Variants in C3orf70 observed in about 807,000 individuals in gnomAD.
C3orf70 encodes the protein UPF0524 protein C3orf70.
In C3orf70, 15 loss-of-function variants were observed where a neutral mutation model predicts 20.7. The observed-to-expected ratio is 0.72, with a 90% confidence interval of 0.48 to 1.11. C3orf70 has a LOEUF of 1.11. Among genes scored for constraint, C3orf70 ranks in the 50% most tolerant of loss-of-function variants. The pLI, the probability that C3orf70 is intolerant of heterozygous loss-of-function variation, is 0.00. For missense variants in C3orf70, 332 were observed against 317.6 expected (o/e 1.05, Z -0.34); for synonymous variants, 161 against 125.7 (o/e 1.28, Z -1.88).
intron 1 of C3orf70, among the ~76,000 whole-genome samples, chr3:185,127,171 A>AAAAAGT (rs1216061795): frequency 6.6e-6 from 1 of 152,172 alleles, no homozygotes; most frequent in African/African-American, 2.4e-5. Context: ...CCATAGGATG[A>AAAAAGT]AAAAGTAAAA....
At chr3:185,140,800 A>C (rs1027624847) in intron 1 of C3orf70, among the ~76,000 whole-genome samples, 1 of 150,764 alleles carries the variant, frequency 6.6e-6, no homozygotes, top group Non-Finnish European at 1.5e-5. Context: ...AAAAAAAAAA[A>C]AAAAGAAAAA....
At position 185,083,066 on chromosome 3, in the gene C3orf70, G is replaced by C. The variant is rs1715380557; in HGVS notation, c.694C>G (p.Leu232Val). ...ESSWEPDECT[L>V]LSPSQSDLEV... ...AGGTCAGACTGCGAGGGGGAGAGAA[G>C]GGTGCACTCATCCGGTTCCCAGCTG... The change falls in exon 2 of 2, where the codon CTT becomes GTT. Residue 232 changes from leucine (L) to valine (V), a missense_variant. Leu to Val is a conservative substitution (Grantham distance 32). Transcript: ENST00000335012. The C allele has an allele frequency of 6.2e-7, 1 of 1,614,008 alleles. No individual in the cohort carries two copies. Among genetic ancestry groups the C allele is most frequent in the Non-Finnish European group, 8.5e-7 (1 of 1,180,030 alleles).
chr3:185,121,813 A>G (rs1458928779), intron 1 of C3orf70, among the ~76,000 whole-genome samples: 3 of 152,214 alleles, frequency 2.0e-5, no homozygotes, highest in Admixed American at 6.5e-5. Flanking sequence ...TAAAAGCAAG[A>G]GCATGGCCGG....
At chr3:185,085,548 G>A (rs182613447) in intron 1 of C3orf70, among the ~76,000 whole-genome samples, 3 of 152,104 alleles carry the variant, frequency 2.0e-5, no homozygotes, top group East Asian at 1.9e-4. Context: ...AAGCCTGGAC[G>A]TACCTCATGC....
At chr3:185,086,715 C>T (rs1015052766) in intron 1 of C3orf70, among the ~76,000 whole-genome samples, 14 of 152,070 alleles carry the variant, frequency 9.2e-5, no homozygotes, top group Admixed American at 2.6e-4. Flanking sequence ...AACCAGATTC[C>T]ACTTCTTTCT....
chr3:185,118,284 C>T (rs11915885), intron 1 of C3orf70, among the ~76,000 whole-genome samples: 7,907 of 152,246 alleles, frequency 0.052, 667 homozygotes, highest in African/African-American at 0.18. Context: ...CCTTTAAGCT[C>T]GGGCATCCTC....
rs150691113 is a variant in C3orf70, at chr3:185,116,967, G to C, written c.197-33404C>G. On this transcript the variant is annotated intron_variant, in intron 1 of 1. Coordinates refer to ENST00000335012, the MANE Select transcript of C3orf70 (RefSeq NM_001025266.3). ...CTAATTTTTTTTGTATTTTTAAGTA[G>C]AGATGGGGTTTCACCATGTTAGCCA... 7.1e-3 allele frequency among the ~76,000 whole-genome samples: 1,075 copies of C among 152,144 alleles called. 18 individuals carry two copies. The highest frequency in any genetic ancestry group is 0.025 in the African/African-American group (1,032 of 41,514).
chr3:185,124,106 G>C (rs1645847106), intron 1 of C3orf70, among the ~76,000 whole-genome samples: 2 of 152,064 alleles, frequency 1.3e-5, no homozygotes, highest in South Asian at 2.1e-4. Flanking sequence ...CATTGTATTA[G>C]GTATTATAAA....
At chr3:185,115,831 G>A (rs1217869863) in intron 1 of C3orf70, among the ~76,000 whole-genome samples, 1 of 152,148 alleles carries the variant, frequency 6.6e-6, no homozygotes, top group East Asian at 1.9e-4. Context: ...ACCTCACACG[G>A]CAAAAAGAGC....
chr3:185,090,173 C>A (rs1715536702), intron 1 of C3orf70, among the ~76,000 whole-genome samples: 1 of 152,176 alleles, frequency 6.6e-6, no homozygotes, highest in Non-Finnish European at 1.5e-5. Context: ...CCCTTAACTT[C>A]AGCTAACATT....
At chr3:185,141,385 C>T (rs1716747433) in intron 1 of C3orf70, among the ~76,000 whole-genome samples, 1 of 151,872 alleles carries the variant, frequency 6.6e-6, no homozygotes, top group South Asian at 2.1e-4. Flanking sequence ...ATGTAACTAC[C>T]ATACAGCCTA....
intron 1 of C3orf70, among the ~76,000 whole-genome samples, chr3:185,143,632 A>T (rs1240338621): frequency 6.6e-6 from 1 of 152,210 alleles, no homozygotes; most frequent in Non-Finnish European, 1.5e-5. Context: ...CAAAGGAAAA[A>T]TCCTGTGAAT....
At chr3:185,110,354 AC>A (rs1470152089) in intron 1 of C3orf70, among the ~76,000 whole-genome samples, 4 of 152,260 alleles carry the variant, frequency 2.6e-5, no homozygotes, top group Non-Finnish European at 1.5e-5. Flanking sequence ...GCAGCTAGTA[AC>A]CTGTTAAAAT....
At chr3:185,118,547 C>T (rs1229671418) in intron 1 of C3orf70, among the ~76,000 whole-genome samples, 1 of 152,094 alleles carries the variant, frequency 6.6e-6, no homozygotes, top group Non-Finnish European at 1.5e-5. Context: ...TGAATATACA[C>T]ATATTGCACT....
chr3:185,091,861 ATAT>A (rs1715576845), intron 1 of C3orf70, among the ~76,000 whole-genome samples: 1 of 121,844 alleles, frequency 8.2e-6, no homozygotes, highest in Non-Finnish European at 1.7e-5. Context: ...TATATGTATT[ATAT>A]TATATATATA....
At chr3:185,118,111 A>ATGTGTCTAGTTCTAG (rs1716220056) in intron 1 of C3orf70, among the ~76,000 whole-genome samples, 1 of 152,186 alleles carries the variant, frequency 6.6e-6, no homozygotes, top group Non-Finnish European at 1.5e-5. Flanking sequence ...TCTATGTTCT[A>ATGTGTCTAGTTCTAG]ATATGTCCCC....
chr3:185,124,505 A>G (rs557236265), intron 1 of C3orf70, among the ~76,000 whole-genome samples: 55 of 152,342 alleles, frequency 3.6e-4, no homozygotes, highest in African/African-American at 1.3e-3. Context: ...AAATTTGTAA[A>G]TAACAAACTT....
intron 1 of C3orf70, among the ~76,000 whole-genome samples, chr3:185,106,645 C>T (rs979853918): frequency 1.3e-4 from 20 of 152,238 alleles, no homozygotes; most frequent in African/African-American, 4.1e-4. Context: ...GGGGCCTTTC[C>T]AGCTCAGGCC....
intron 1 of C3orf70, among the ~76,000 whole-genome samples, chr3:185,128,540 A>C (rs1020448785): frequency 2.0e-5 from 3 of 151,180 alleles, no homozygotes; most frequent in East Asian, 1.9e-4. Flanking sequence ...AAAAAAAAAA[A>C]CAACAAAACC....
Sources: allele counts gnomAD v4.1 joint callset (sites outside exome capture counted in the v4.1 genomes callset), GRCh38; gene constraint gnomAD v4.1.1; transcripts MANE v1.5; gene names NCBI Gene and HGNC (gene_info 2026-07-23, HGNC 2026-07-21).